The following SYMPK variants were observed in gnomAD, a reference collection of about 807,000 sequenced individuals.
SYMPK encodes symplekin.
In SYMPK, 49 loss-of-function variants were observed where a neutral mutation model predicts 136.4. The observed-to-expected ratio is 0.36, with a 90% CI of 0.29 to 0.46. The LOEUF (loss-of-function observed/expected upper bound fraction) is 0.46. SYMPK is among the 20% of genes least tolerant of loss of function. SYMPK has a pLI of 1.00. For synonymous variants in SYMPK, 766 were observed against 713.0 expected (o/e 1.07, Z -1.19); for missense variants, 1,365 against 1,690.0 (o/e 0.81, Z 3.37).
In SYMPK at chr19:45,837,095, T is replaced by G. The variant is rs188901712; in HGVS notation, c.1242+1366A>C. ...AGGAAAGAAATAAAGGCAACAGAAATAAAACAGAAAAAGTGCCAAAAGAAT... is the reference window on the plus strand; with the variant it reads ...AGGAAAGAAATAAAGGCAACAGAAAGAAAACAGAAAAAGTGCCAAAAGAAT... On this transcript the variant is annotated intron_variant, in intron 10 of 26. Transcript: ENST00000245934. Among the ~76,000 whole-genome samples, 81 of 151,760 alleles carry G rather than the reference T, an allele frequency of 5.3e-4. No individual in the cohort carries two copies. The East Asian group carries it at 0.014, about 25-fold the overall frequency.
chr19:45,839,329 C>CT (rs1323747236), intron 9 of SYMPK, among the ~76,000 whole-genome samples: 2 of 152,186 alleles, frequency 1.3e-5, no homozygotes, highest in Non-Finnish European at 1.5e-5. Flanking sequence ...AAAAGAAAGA[C>CT]TGATTCCAGG....
chr19:45,829,311 G>C, intron 13 of SYMPK, 106 bp from the exon 14 acceptor site: 2 of 1,002,610 alleles, frequency 2.0e-6, no homozygotes, highest in Non-Finnish European at 1.5e-6. Flanking sequence ...TCTCAGAGCA[G>C]ACAAGGAGTG....
At chr19:45,856,740 A>C (rs1437448103) in intron 1 of SYMPK, among the ~76,000 whole-genome samples, 2 of 151,768 alleles carry the variant, frequency 1.3e-5, no homozygotes, top group Admixed American at 1.3e-4. Flanking sequence ...GGGAGGATCA[A>C]TTGAGCTCAG....
chr19:45,837,184 G>A (rs1021746379), intron 10 of SYMPK, among the ~76,000 whole-genome samples: 1 of 152,122 alleles, frequency 6.6e-6, no homozygotes, highest in Non-Finnish European at 1.5e-5. Flanking sequence ...TTGCAAGATT[G>A]GACATAGTAG....
chr19:45,832,960 G>A (rs1253970146), intron 11 of SYMPK, among the ~76,000 whole-genome samples: 2 of 151,350 alleles, frequency 1.3e-5, no homozygotes, highest in Middle Eastern at 3.2e-3. Context: ...CAGAAGTTGC[G>A]GTGAGCCGAG....
chr19:45,828,847 T>A (rs116810213), intron 14 of SYMPK, 123 bp downstream of exon 14: 1 of 899,826 alleles, frequency 1.1e-6, no homozygotes, highest in Non-Finnish European at 1.7e-6. Context: ...AGACTTGGGA[T>A]GGGTGCGAGG....
At position 45,842,408 on chromosome 19, in the gene SYMPK, T is replaced by C. The variant is rs749888027; in HGVS notation, c.929A>G (p.Lys310Arg). 2 of 1,614,066 alleles carry C rather than the reference T, an allele frequency of 1.2e-6. 1 individual carries two copies. Among genetic ancestry groups the C allele is most frequent in the Non-Finnish European group, 1.7e-6 (2 of 1,180,052 alleles). The change falls in exon 9 of 27, where the codon AAG (lysine) becomes AGG (arginine). Residue 310 changes from lysine (K) to arginine (R), a missense_variant. Coordinates refer to ENST00000245934, the MANE Select transcript of SYMPK (RefSeq NM_004819.3). ...CTGGAACTCCAAGGAAGCCGGGTGC[T>C]TCAGCACACTCAACAGGTGCAGCTT... ...NLKLHLLSVL[K>R]HPASLEFQAQ...
chr19:45,861,655 T>C (rs1971970530), intron 1 of SYMPK, among the ~76,000 whole-genome samples: 1 of 151,366 alleles, frequency 6.6e-6, no homozygotes, highest in South Asian at 2.1e-4. Context: ...GCGAATTGCT[T>C]GAACCTGGAA....
At chr19:45,836,557 G>A (rs1022793117) in intron 10 of SYMPK, among the ~76,000 whole-genome samples, 1 of 151,740 alleles carries the variant, frequency 6.6e-6, no homozygotes, top group Non-Finnish European at 1.5e-5. Flanking sequence ...CGTGAACCCG[G>A]GAGGCGGAGC....
chr19:45,817,994 C>T lies in SYMPK; in HGVS notation c.3046G>A (p.Val1016Ile), dbSNP rs763663438. 3.2e-5 allele frequency: 50 copies of T among 1,579,930 alleles called. No individual in the cohort carries two copies. Among genetic ancestry groups the T allele is most frequent in the East Asian group, 6.9e-5 (3 of 43,256 alleles). ...ATGAGGCGGGACAGGATGTTCATGA[C>T]GAAGCCCCCCAGGCGGGGGTACATG... ...LTMYPRLGGFVMNILSRLIMK... is the reference protein window; with the variant it reads ...LTMYPRLGGFIMNILSRLIMK... The change falls in exon 23 of 27, where the codon GTC becomes ATC. Residue 1016 changes from valine to isoleucine, a missense_variant. Transcript: ENST00000245934.
At position 45,842,778 on chromosome 19, in the gene SYMPK, G is replaced by A. The variant is rs148914884; in HGVS notation, c.848-289C>T. ...TGGTCTGGAAATTCACATATGCTTC[G>A]CTTGGGGAGGGTTATAATCACCACT... is the stretch of plus-strand genomic sequence containing the variant. On this transcript the variant is annotated intron_variant, in intron 8 of 26. Transcript: ENST00000245934. 549 of 392,320 alleles carry A rather than the reference G, an allele frequency of 1.4e-3. 5 individuals carry two copies. Among genetic ancestry groups the A allele is most frequent in the African/African-American group, 8.7e-3 (428 of 48,980 alleles). The allele number at this position is 392,320 out of a possible 1,614,324, so 24.3% of individuals were successfully genotyped here. A position where few individuals can be genotyped will look rare whatever the true frequency, so the allele number is the denominator to read the frequency against.
Position 45,815,985 on chromosome 19 carries a change from A to G in SYMPK, c.3553T>C (p.Ser1185Pro), listed in dbSNP as rs1361313427. The G allele has an allele frequency of 6.2e-6, 10 of 1,608,278 alleles. No individual in the cohort carries two copies. In the African/African-American group the frequency reaches 9.3e-5, roughly 15 times the overall value. Reference sequence around the variant, plus strand: ...TCCCGGAAATCCATGGCTTCCTCAGACGGGGGCGGGCCTGGCCGGGCCGAC... The same window carrying G: ...TCCCGGAAATCCATGGCTTCCTCAGGCGGGGGCGGGCCTGGCCGGGCCGAC... The part of the protein sequence containing the change: ...SPSARPGPPP[S>P]EEAMDFREEG... The change falls in exon 26 of 27, where the codon TCT (serine) becomes CCT (proline). Residue 1185 changes from serine (S) to proline (P), a missense_variant. Ser to Pro is a moderately conservative substitution (Grantham distance 74, BLOSUM62 -1). Around this residue, in one of 11 missense-constraint regions of SYMPK, gnomAD observed 341 missense variants for 270.5 expected, o/e 1.26. Coordinates refer to ENST00000245934, the MANE Select transcript of SYMPK (RefSeq NM_004819.3).
Position 45,818,100 on chromosome 19 carries a change from C to T in SYMPK, c.2940G>A (p.Val980=), listed in dbSNP as rs1264970221. ...TCAGCTGCTGCATCACCACGGCCAG[C>T]ACCTCTGACGTGTACACGTTCCGCT... ...FAERNVYTSE[V]LAVVMQQLME... is the part of the protein sequence containing the mutation. The change falls in exon 23 of 27, where the codon GTG becomes GTA. Residue 980 remains valine (V), a synonymous_variant. Transcript: ENST00000245934. The T allele has an allele frequency of 6.4e-7, 1 of 1,557,038 alleles. No individual in the cohort carries two copies. The highest frequency in any genetic ancestry group is 8.7e-7 in the Non-Finnish European group (1 of 1,150,294).
chr19:45,858,364 A>G (rs1971882887), intron 1 of SYMPK, among the ~76,000 whole-genome samples: 1 of 152,068 alleles, frequency 6.6e-6, no homozygotes, highest in African/African-American at 2.4e-5. Context: ...TCCTGTGAAC[A>G]TGCCCAACAT....
At position 45,829,005 on chromosome 19, in the gene SYMPK, C is replaced by A; in HGVS notation, c.1950G>T (p.Leu650Phe). The A allele has an allele frequency of 1.2e-6, 2 of 1,614,182 alleles. No individual in the cohort carries two copies. The highest frequency in any genetic ancestry group is 2.2e-5 in the South Asian group (2 of 91,084). ...GGTCTGGTTTCTCCTGCAGGCCAGA[C>A]AACAGGCGGATGAGGCAGTCCTCAT... ...DKYEDCLIRLLSGLQEKPDQK... is the reference protein window; with the variant it reads ...DKYEDCLIRLFSGLQEKPDQK... Residue 650 changes from leucine (L) to phenylalanine (F), a missense_variant, in exon 14 of 27, where the codon TTG (leucine) becomes TTT (phenylalanine). Coordinates refer to ENST00000245934, the MANE Select transcript of SYMPK (RefSeq NM_004819.3).
In SYMPK at chr19:45,815,840, G is replaced by C; in HGVS notation, c.3687+11C>G. ...GGCTTCTTCCTTCGCAGCGGAGGCT[G>C]CTCTCCCTACCTTGGGTAGGGGGCC... On this transcript the variant is annotated intron_variant, in intron 26 of 26. Coordinates refer to ENST00000245934, the MANE Select transcript of SYMPK (RefSeq NM_004819.3). 1 of 1,610,450 alleles carries C rather than the reference G, an allele frequency of 6.2e-7. No individual in the cohort carries two copies. The highest frequency in any genetic ancestry group is 2.2e-5 in the East Asian group (1 of 44,768).
At chr19:45,861,564 C>A (rs1194479419) in intron 1 of SYMPK, among the ~76,000 whole-genome samples, 1 of 151,936 alleles carries the variant, frequency 6.6e-6, no homozygotes, top group East Asian at 1.9e-4. Context: ...CATGGTGAAA[C>A]CCCATCTCTA....
At position 45,815,593 on chromosome 19, in the gene SYMPK, GTCC is replaced by G. The variant is rs1970706990; in HGVS notation, c.3789_3791del (p.Glu1263del). 1.3e-6 allele frequency: 2 copies of G among 1,595,276 alleles called. No individual in the cohort carries two copies. Among genetic ancestry groups the G allele is most frequent in the African/African-American group, 2.8e-5 (2 of 72,148 alleles). On this transcript the variant is annotated inframe_deletion, in exon 27 of 27. Transcript: ENST00000245934. ...TCCCCTTGGCCTCGGGTTCCCTGGCGTCCTCGGCAGCCGGGCTGGGAGTCTTCA... is the reference window on the plus strand; with the variant it reads ...TCCCCTTGGCCTCGGGTTCCCTGGCGTCGGCAGCCGGGCTGGGAGTCTTCA...
Position 45,815,466 on chromosome 19 carries a change from T to C in SYMPK, c.*94A>G. ...GTAACTTGCCCAAGTTCACATCTTT[T>C]ATTTCTTTTTAAGGCAAAGCACCCG... On this transcript the variant is annotated 3_prime_UTR_variant, in exon 27 of 27. Transcript: ENST00000245934. The C allele has an allele frequency of 1.7e-6, 2 of 1,186,634 alleles. No homozygotes were observed. The highest frequency in any genetic ancestry group is 1.6e-5 in the African/African-American group (1 of 63,472). The allele number at this position is 1,186,634 out of a possible 1,614,324, so 73.5% of individuals were successfully genotyped here. A position where few individuals can be genotyped will look rare whatever the true frequency, so the allele number is the denominator to read the frequency against.
Sources: gnomAD v4.1 joint callset for allele counts (sites outside exome capture counted in the v4.1 genomes callset) on GRCh38, gnomAD v4.1.1 for gene constraint, gnomAD v4.1.1 regional missense constraint, MANE v1.5 for transcripts, NCBI Gene and HGNC (gene_info 2026-07-23, HGNC 2026-07-21) for gene names.